Variants in IK observed in about 807,000 individuals in gnomAD.
IK encodes IK cytokine, also known as protein Red.
A neutral mutation model predicts 90.9 loss-of-function variants in IK; 47 were observed. That is an observed-to-expected ratio of 0.52 (90% CI 0.41 to 0.66). The LOEUF (loss-of-function observed/expected upper bound fraction) is 0.66, where lower values mean the gene tolerates loss of function less well. Ranked by LOEUF, IK falls within the 30% of genes least tolerant of loss-of-function variation. The pLI, the probability that IK is intolerant of heterozygous loss-of-function variation, is 0.00. For missense variants in IK, 385 were observed against 709.3 expected, an observed-to-expected ratio of 0.54 and a Z score of 5.19; for synonymous variants, 201 against 227.5, an observed-to-expected ratio of 0.88 and a Z score of 1.05.
At chr5:140,660,862 G>C in intron 16 of IK, 47 bp downstream of exon 16, 1 of 1,420,240 alleles carries the variant, frequency 7.0e-7, no homozygotes, top group Non-Finnish European at 1.0e-6. Context: ...GTTATTATTT[G>C]TTTTACATGT....
rs955908857 is a variant in IK at position 140,654,439 on chromosome 5, C to T, written c.520-77C>T. The T allele has an allele frequency of 1.3e-5, 14 of 1,086,498 alleles. No individual in the cohort carries two copies. In the Admixed American group the frequency reaches 3.1e-4, roughly 24 times the overall value. 67.3% of individuals were successfully genotyped at this position (1,086,498 alleles called of 1,614,324 possible). On this transcript the variant is annotated intron_variant, in intron 6 of 19. Coordinates refer to ENST00000417647, the MANE Select transcript of IK (RefSeq NM_006083.4). ...CATGTTTAATATTATATTCTTAGTTCCTGGTACAGTGTGGTGTAGTGGATG... is the reference window on the plus strand; with the variant it reads ...CATGTTTAATATTATATTCTTAGTTTCTGGTACAGTGTGGTGTAGTGGATG...
At chr5:140,660,646 G>A in intron 15 of IK, 112 bp from the exon 16 acceptor site, 2 of 747,444 alleles carry the variant, frequency 2.7e-6, no homozygotes, top group Middle Eastern at 2.4e-4. Flanking sequence ...CTCTAAGTGG[G>A]AGGTCTAGGG....
chr5:140,654,031 G>A lies in IK; in HGVS notation c.498G>A (p.Leu166=). Residue 166 remains leucine, a synonymous_variant, in exon 6 of 20, where the codon TTG becomes TTA. Transcript: ENST00000417647. ...DMEHTHLVKG[L]DFALLQKVRA... ...AACACACCCATTTGGTGAAAGGCTT[G>A]GATTTTGCTCTGCTTCAAAAGGTGA... 3 of 1,608,454 alleles carry A rather than the reference G, an allele frequency of 1.9e-6. No homozygotes were observed. The highest frequency in any genetic ancestry group is 2.6e-6 in the Non-Finnish European group (3 of 1,174,980).
In IK at chr5:140,653,158, G is replaced by A. The variant is rs1561974499; in HGVS notation, c.404+14G>A. 1.2e-6 allele frequency: 2 copies of A among 1,608,532 alleles called. No individual in the cohort carries two copies. Among genetic ancestry groups the A allele is most frequent in the Non-Finnish European group, 1.7e-6 (2 of 1,176,240 alleles). On this transcript the variant is annotated intron_variant, in intron 5 of 19. Coordinates refer to ENST00000417647, the MANE Select transcript of IK (RefSeq NM_006083.4). ...CACTGCTGAGGCGTGAGTACTGAGG[G>A]AACAGGGCATGGTTCCCTCAGCATC...
rs200714869 is a variant in IK, at chr5:140,660,292, C to CTTTT, written c.1355+116_1355+119dup. The CTTTT allele has an allele frequency of 6.4e-4, 181 of 282,996 alleles. 6 individuals are homozygous for CTTTT. The highest frequency in any genetic ancestry group is 3.6e-3 in the African/African-American group (70 of 19,458). The allele number at this position is 282,996 out of a possible 1,614,324, so 17.5% of individuals were successfully genotyped here. A position where few individuals can be genotyped will look rare whatever the true frequency, so the allele number is the denominator to read the frequency against. ...GATTCGCTAAGTCCCAGGGCTACTT[C>CTTTT]TTTTTTTTTTTTTTTTTTTTTTGGA... On this transcript the variant is annotated intron_variant, in intron 15 of 19. Coordinates refer to ENST00000417647, the MANE Select transcript of IK (RefSeq NM_006083.4).
rs192238922 is a variant in IK, at chr5:140,652,622, G to A, written c.237-355G>A. Among the ~76,000 whole-genome samples, 98 of 152,142 alleles carry A rather than the reference G, an allele frequency of 6.4e-4. 4 individuals are homozygous for A. Among genetic ancestry groups the A allele is most frequent in the Admixed American group, 3.5e-3 (54 of 15,290 alleles). ...CTGAGAGTGGACCAGCAAATAATAC[G>A]TTCTTTTCAGCTGAAATTTAGAAGG... On this transcript the variant is annotated intron_variant, in intron 4 of 19. Coordinates refer to ENST00000417647, the MANE Select transcript of IK (RefSeq NM_006083.4).
At chr5:140,650,167 T>C (rs192082701) in intron 2 of IK, among the ~76,000 whole-genome samples, 150 of 152,330 alleles carry the variant, frequency 9.8e-4, no homozygotes, top group African/African-American at 3.4e-3. Context: ...TAATTTTCTA[T>C]AAATTCTCAC....
At position 140,659,000 on chromosome 5, in the gene IK, C is replaced by T. The variant is rs747409491; in HGVS notation, c.1012C>T (p.Arg338Trp). The change falls in exon 12 of 20, where the codon CGG becomes TGG. Residue 338 changes from arginine (R) to tryptophan (W), a missense_variant. By Grantham distance (101) the Arg-to-Trp change is moderately radical. Coordinates refer to ENST00000417647, the MANE Select transcript of IK (RefSeq NM_006083.4). ...STTKTPRDKE[R>W]ERYRERERDR... ...AACCAAGACACCTCGGGACAAGGAG[C>T]GGGAGAGATATCGGGAACGGGAGCG... The T allele has an allele frequency of 1.9e-6, 3 of 1,613,276 alleles. No homozygotes were observed. Among genetic ancestry groups the T allele is most frequent in the South Asian group, 1.1e-5 (1 of 91,070 alleles).
chr5:140,653,037 C>T lies in IK; in HGVS notation c.297C>T (p.Tyr99=). The T allele has an allele frequency of 6.2e-7, 1 of 1,613,794 alleles. No homozygotes were observed. The highest frequency in any genetic ancestry group is 1.7e-4 in the Middle Eastern group (1 of 6,058). Residue 99 remains tyrosine (Y), a synonymous_variant, in exon 5 of 20, where the codon TAC becomes TAT. Transcript: ENST00000417647. Reference sequence around the variant, plus strand: ...GAGAGAGAGAGCTAGCAGAGAAGTACCGGGATCGTGCCAAGGAACGGAGAG... The same window carrying T: ...GAGAGAGAGAGCTAGCAGAGAAGTATCGGGATCGTGCCAAGGAACGGAGAG... The part of the protein sequence containing the change: ...IERERELAEK[Y]RDRAKERRDG...
At chr5:140,648,365 G>A in intron 1 of IK, 106 bp from the exon 2 acceptor site, 1 of 970,458 alleles carries the variant, frequency 1.0e-6, no homozygotes, top group East Asian at 2.4e-5. Context: ...TGACACTGTC[G>A]CTGTTCTAAC....
chr5:140,660,245 G>T, intron 15 of IK, 50 bp downstream of exon 15: 3 of 1,129,384 alleles, frequency 2.7e-6, no homozygotes, highest in African/African-American at 1.6e-5. Context: ...TGGGAAACAA[G>T]TTGGGGGTGA....
chr5:140,659,826 C>T lies in IK; in HGVS notation c.1266C>T (p.Gly422=). ...EKFAGSAGWE[G]TESLKKPEDK... is the part of the protein sequence containing the mutation. The stretch of plus-strand genomic sequence containing the variant: ...TTGCTGGGTCTGCTGGCTGGGAAGG[C>T]ACAGAATCATATCCTTTATTTTAAT... The change falls in exon 14 of 20, where the codon GGC becomes GGT. Residue 422 remains glycine, a synonymous_variant. Transcript: ENST00000417647. 1 of 1,591,336 alleles carries T rather than the reference C, an allele frequency of 6.3e-7. No individual in the cohort carries two copies. The highest frequency in any genetic ancestry group is 1.1e-5 in the South Asian group (1 of 87,578).
Position 140,661,574 on chromosome 5 carries a change from A to T in IK, c.1414-46A>T. 7.4e-7 allele frequency: 1 copy of T among 1,346,954 alleles called. No homozygotes were observed. 83.4% of individuals were successfully genotyped at this position (1,346,954 alleles called of 1,614,324 possible). A position where few individuals can be genotyped will look rare whatever the true frequency, so the allele number is the denominator to read the frequency against. On this transcript the variant is annotated intron_variant, in intron 16 of 19. Transcript: ENST00000417647. The surrounding 1 kb of genome is among the most constrained non-coding windows in gnomAD (Gnocchi z 4.2). The stretch of plus-strand genomic sequence containing the variant: ...AATCAAGGGCTGAAATTCCATTTCC[A>T]CTGACATCTCTTCCTTCCCCATCCC...
chr5:140,654,326 A>G (rs988926580), intron 6 of IK, among the ~76,000 whole-genome samples, 190 bp from the exon 7 acceptor site: 1 of 152,164 alleles, frequency 6.6e-6, no homozygotes, highest in Non-Finnish European at 1.5e-5. Flanking sequence ...TGTTTCATTT[A>G]CCACAGCAGT....
intron 3 of IK, 90 bp from the exon 4 acceptor site, chr5:140,651,998 A>G: frequency 1.0e-6 from 1 of 1,003,692 alleles, no homozygotes; most frequent in Non-Finnish European, 1.6e-6. Flanking sequence ...TCAGTATTCT[A>G]GGTCTTTCTA....
chr5:140,660,662 T>A, intron 15 of IK, 96 bp from the exon 16 acceptor site: 5 of 914,924 alleles, frequency 5.5e-6, no homozygotes, highest in Non-Finnish European at 8.9e-6. Context: ...TAGGGGGTGG[T>A]CATTCCTATG....
chr5:140,648,024 G>A, intron 1 of IK, 100 bp downstream of exon 1: 1 of 1,000,016 alleles, frequency 1.0e-6, no homozygotes, highest in Non-Finnish European at 1.6e-6. Context: ...GTGTGTGTGT[G>A]TGTGTGTGTG....
chr5:140,657,884 G>GT (rs1757736897), intron 10 of IK, among the ~76,000 whole-genome samples: 1 of 152,234 alleles, frequency 6.6e-6, no homozygotes, highest in Admixed American at 6.5e-5. Context: ...GGGATGGAGA[G>GT]TGGGTAGCTT....
Position 140,661,432 on chromosome 5 carries a change from A to AC in IK, c.1414-188_1414-187insC. The AC allele has an allele frequency of 1.7e-6, 1 of 574,300 alleles. No homozygotes were observed. Among genetic ancestry groups the AC allele is most frequent in the Admixed American group, 3.4e-5 (1 of 29,182 alleles). The allele number at this position is 574,300 out of a possible 1,614,324, so 35.6% of individuals were successfully genotyped here. A position where few individuals can be genotyped will look rare whatever the true frequency, so the allele number is the denominator to read the frequency against. On this transcript the variant is annotated intron_variant, in intron 16 of 19. Coordinates refer to ENST00000417647, the MANE Select transcript of IK (RefSeq NM_006083.4). The surrounding 1 kb of genome is among the most constrained non-coding windows in gnomAD (Gnocchi z 4.2). Reference sequence around the variant, plus strand: ...TTTATGAGAATTAAGTGAGATATGCATTTAGTGTACAGAATAATGCCTGTC... The same window carrying AC: ...TTTATGAGAATTAAGTGAGATATGCACTTTAGTGTACAGAATAATGCCTGTC...
Sources: allele counts gnomAD v4.1 joint callset (sites outside exome capture counted in the v4.1 genomes callset), GRCh38; gene constraint gnomAD v4.1.1; non-coding constraint Gnocchi (gnomAD v3.1); transcripts MANE v1.5; gene names NCBI Gene and HGNC (gene_info 2026-07-23, HGNC 2026-07-21).